The following UVSSA variants were observed in gnomAD, a reference collection of about 807,000 sequenced individuals.
The protein encoded by UVSSA is UV stimulated scaffold protein A.
In UVSSA, 72 loss-of-function variants were observed where a neutral mutation model predicts 73.9. The observed-to-expected ratio is 0.97, with a 90% CI of 0.81 to 1.19. The LOEUF is 1.19. UVSSA is among the 50% of genes most tolerant of loss of function. The pLI is 0.00. For synonymous variants in UVSSA, 454 were observed against 391.3 expected, an observed-to-expected ratio of 1.16 and a Z score of -1.89; for missense variants, 1,150 against 965.0, an observed-to-expected ratio of 1.19 and a Z score of -2.54.
At chr4:1,361,660 C>T (rs1716652888) in intron 7 of UVSSA, among the ~76,000 whole-genome samples, 1 of 152,250 alleles carries the variant, frequency 6.6e-6, no homozygotes, top group African/African-American at 2.4e-5. Context: ...AGATATTGGC[C>T]TGGCCGGGCA....
intron 10 of UVSSA, among the ~76,000 whole-genome samples, chr4:1,379,784 G>GGGAGTGACCGT (rs1719232105): frequency 2.9e-5 from 1 of 35,052 alleles, no homozygotes; most frequent in African/African-American, 1.2e-4. Context: ...AGACGCAGGC[G>GGGAGTGACCGT]GTCGTGCCCG....
At chr4:1,394,433 T>A in exon 14 of UVSSA, 2 of 1,598,748 alleles carry the variant, frequency 1.3e-6, no homozygotes, top group Non-Finnish European at 1.7e-6. Context: ...GATCTACTTC[T>A]AGTTTTTGAT....
downstream of UVSSA, chr4:1,392,586 C>G (rs1390075926): frequency 6.6e-6 from 1 of 152,180 alleles, no homozygotes; most frequent in East Asian, 1.9e-4. Flanking sequence ...TTTCAGTCCT[C>G]TATAGATGTC....
At chr4:1,376,634 C>T (rs932927316) in intron 10 of UVSSA, among the ~76,000 whole-genome samples, 1 of 152,200 alleles carries the variant, frequency 6.6e-6, no homozygotes, top group African/African-American at 2.4e-5. Flanking sequence ...ACTTTCCCCT[C>T]TGCACCCCTC....
intron 12 of UVSSA, 71 bp downstream of exon 12, chr4:1,381,059 T>A: frequency 1.4e-6 from 2 of 1,442,314 alleles, no homozygotes; most frequent in Non-Finnish European, 1.9e-6. Context: ...GCCCGGGGTG[T>A]GTCTGCAGAG....
At chr4:1,395,691 C>T (rs767780297) in exon 14 of UVSSA, 8 of 1,613,908 alleles carry the variant, frequency 5.0e-6, no homozygotes, top group Admixed American at 3.3e-5. Flanking sequence ...ATGTGGAGTG[C>T]CCGCCTGCTC....
chr4:1,372,919 C>A lies in UVSSA; in HGVS notation c.1289-2445C>A, dbSNP rs1158763557. On this transcript the variant is annotated intron_variant, in intron 8 of 13. Transcript: ENST00000389851. Reference sequence around the variant, plus strand: ...TCCCGCGTCTCTACACACTCACTGCCCATGTTTTGCTCCACCCCCTGCCCC... The same window carrying A: ...TCCCGCGTCTCTACACACTCACTGCACATGTTTTGCTCCACCCCCTGCCCC... Among the ~76,000 whole-genome samples, 4 of 147,444 alleles carry A rather than the reference C, an allele frequency of 2.7e-5. 1 individual carries two copies. In the East Asian group the frequency reaches 8.1e-4, roughly 30 times the overall value.
intron 7 of UVSSA, among the ~76,000 whole-genome samples, chr4:1,358,729 C>T (rs952961945): frequency 4.6e-5 from 7 of 152,236 alleles, no homozygotes; most frequent in African/African-American, 7.2e-5. Context: ...AAATTATGGA[C>T]GAGGTGCTCC....
upstream of UVSSA, among the ~76,000 whole-genome samples, chr4:1,345,172 G>C (rs1713574286): frequency 6.6e-6 from 1 of 152,192 alleles, no homozygotes; most frequent in Admixed American, 6.5e-5. Context: ...GTGACCTGCT[G>C]CAGGGGTGGC....
intron 8 of UVSSA, among the ~76,000 whole-genome samples, chr4:1,368,932 C>T (rs547307154): frequency 1.7e-4 from 26 of 152,386 alleles, no homozygotes; most frequent in Non-Finnish European, 4.4e-5. Flanking sequence ...CTGCATGGCG[C>T]CTGCCCCTTT....
chr4:1,376,457 C>T (rs1718781425), intron 10 of UVSSA, among the ~76,000 whole-genome samples: 1 of 152,170 alleles, frequency 6.6e-6, no homozygotes, highest in Non-Finnish European at 1.5e-5. Context: ...AGAAACCACT[C>T]CCCTAAAGGC....
chr4:1,347,682 C>G lies in UVSSA; in HGVS notation c.-81C>G, dbSNP rs1406706114. 6.0e-6 allele frequency: 1 copy of G among 165,672 alleles called. No individual in the cohort carries two copies. Among genetic ancestry groups the G allele is most frequent in the Admixed American group, 6.2e-5 (1 of 16,226 alleles). 10.3% of individuals were successfully genotyped at this position (165,672 alleles called of 1,614,324 possible). On this transcript the variant is annotated 5_prime_UTR_variant, in exon 1 of 14. Coordinates refer to ENST00000389851, the MANE Select transcript of UVSSA (RefSeq NM_020894.4). ...TAGGGCCGCCCCTGCTCTCCGGACG[C>G]GACTTTTCATTGGTCTCAGAATTTC...
At chr4:1,374,051 C>T (rs1422280679) in intron 8 of UVSSA, among the ~76,000 whole-genome samples, 3 of 152,334 alleles carry the variant, frequency 2.0e-5, no homozygotes, top group African/African-American at 7.2e-5. Flanking sequence ...GCAGCCAGGA[C>T]GCCTTGCTCG....
At chr4:1,373,535 C>T (rs562580214) in intron 8 of UVSSA, among the ~76,000 whole-genome samples, 1 of 152,316 alleles carries the variant, frequency 6.6e-6, no homozygotes, top group East Asian at 1.9e-4. Flanking sequence ...CAAGTTGATC[C>T]TCAGTGCTCT....
chr4:1,350,474 G>T (rs999141014), intron 3 of UVSSA, among the ~76,000 whole-genome samples: 4 of 152,208 alleles, frequency 2.6e-5, no homozygotes, highest in Non-Finnish European at 5.9e-5. Context: ...TCAGACTCCT[G>T]GGTCCAGTCA....
rs188258136 is a variant in UVSSA at position 1,354,572 on chromosome 4, C to T, written c.935-163C>T. 5.8e-3 allele frequency: 3,576 copies of T among 620,604 alleles called. 31 individuals are homozygous for T. The highest frequency in any genetic ancestry group is 6.7e-3 in the Non-Finnish European group (2,320 of 348,030). 38.4% of individuals were successfully genotyped at this position (620,604 alleles called of 1,614,324 possible). A position where few individuals can be genotyped will look rare whatever the true frequency, so the allele number is the denominator to read the frequency against. On this transcript the variant is annotated intron_variant, in intron 5 of 13. Coordinates refer to ENST00000389851, the MANE Select transcript of UVSSA (RefSeq NM_020894.4). ...TGTTCTTTTCTAAGATAATAAAACA[C>T]TTCCTTCTCACAGCATCAGGTTTGG...
intron 10 of UVSSA, among the ~76,000 whole-genome samples, chr4:1,377,376 G>T (rs1311845179): frequency 6.6e-6 from 1 of 152,198 alleles, no homozygotes; most frequent in Non-Finnish European, 1.5e-5. Flanking sequence ...GCAGGACTGA[G>T]ATTTGAGGGC....
At chr4:1,356,359 G>A (rs1422556694) in intron 7 of UVSSA, among the ~76,000 whole-genome samples, 1 of 152,144 alleles carries the variant, frequency 6.6e-6, no homozygotes. Context: ...CGTCCCCAAC[G>A]TGGTGGTGTG....
intron 10 of UVSSA, among the ~76,000 whole-genome samples, chr4:1,377,192 C>T (rs1718881144): frequency 6.6e-6 from 1 of 152,182 alleles, no homozygotes; most frequent in South Asian, 2.1e-4. Flanking sequence ...TGAGGAGCAC[C>T]GTGTGCCCAG....
Sources: allele counts gnomAD v4.1 joint callset (sites outside exome capture counted in the v4.1 genomes callset), GRCh38; gene constraint gnomAD v4.1.1; transcripts MANE v1.5; gene names NCBI Gene and HGNC (gene_info 2026-07-23, HGNC 2026-07-21).